PPA2: variants seen among roughly 807,000 people sequenced by gnomAD.
The protein encoded by PPA2 is inorganic pyrophosphatase 2.
In PPA2, 48 loss-of-function variants were observed where a neutral mutation model predicts 49.5. That is an observed-to-expected ratio of 0.97 (90% CI 0.77 to 1.23). The LOEUF (loss-of-function observed/expected upper bound fraction) is 1.23. Among genes scored for constraint, PPA2 ranks in the 50% most tolerant of loss-of-function variants. PPA2 has a pLI of 0.00. For missense variants in PPA2, 429 were observed against 410.1 expected (o/e 1.05, Z -0.40); for synonymous variants, 131 against 139.9 (o/e 0.94, Z 0.45).
chr4:105,377,064 C>T (rs929416770), intron 10 of PPA2, among the ~76,000 whole-genome samples: 1 of 152,136 alleles, frequency 6.6e-6, no homozygotes, highest in Non-Finnish European at 1.5e-5. Flanking sequence ...AACTACTTTT[C>T]CCCTCCACTT....
intron 5 of PPA2, among the ~76,000 whole-genome samples, chr4:105,440,339 G>GC (rs1724292795): frequency 6.6e-6 from 1 of 150,550 alleles, no homozygotes; most frequent in Admixed American, 6.7e-5. Flanking sequence ...TTGGCTCACT[G>GC]CAAGCTCCGC....
chr4:105,373,109 G>A (rs1056112802), intron 10 of PPA2, among the ~76,000 whole-genome samples: 1 of 147,800 alleles, frequency 6.8e-6, no homozygotes, highest in Non-Finnish European at 1.5e-5. Context: ...AAAGTGCTAG[G>A]ATAACAGGCA....
rs563099116 is a variant in PPA2 at position 105,420,641 on chromosome 4, C to G, written c.655+3555G>C. 2.6e-5 allele frequency among the ~76,000 whole-genome samples: 4 copies of G among 152,178 alleles called. No homozygotes were observed. In the South Asian group the frequency reaches 8.3e-4, roughly 32 times the overall value. ...GTCATAAAATATAAAATCACTTATT[C>G]CTTTGTAATAGAAATTTCAATTTAT... On this transcript the variant is annotated intron_variant, in intron 7 of 11. Coordinates refer to ENST00000341695, the MANE Select transcript of PPA2 (RefSeq NM_176869.3).
At chr4:105,389,858 C>T (rs1403401452) in intron 9 of PPA2, among the ~76,000 whole-genome samples, 2 of 152,234 alleles carry the variant, frequency 1.3e-5, no homozygotes, top group Non-Finnish European at 2.9e-5. Flanking sequence ...TAATTTTAGA[C>T]CATAACCTCC....
At chr4:105,392,108 G>C (rs952321068) in intron 9 of PPA2, among the ~76,000 whole-genome samples, 3 of 152,124 alleles carry the variant, frequency 2.0e-5, no homozygotes, top group Non-Finnish European at 4.4e-5. Flanking sequence ...AAGAGAAAGT[G>C]GGAGAGGACT....
chr4:105,427,203 C>T lies in PPA2; in HGVS notation c.529-2881G>A, dbSNP rs190825875. ...CAAAACCCCATCCATAGGTCACCAACATCAAAGACCAAAGGTAGATAAAAC... is the reference window on the plus strand; with the variant it reads ...CAAAACCCCATCCATAGGTCACCAATATCAAAGACCAAAGGTAGATAAAAC... On this transcript the variant is annotated intron_variant, in intron 6 of 11. Coordinates refer to ENST00000341695, the MANE Select transcript of PPA2 (RefSeq NM_176869.3). Among the ~76,000 whole-genome samples the T allele has an allele frequency of 8.0e-3, 1,221 of 152,278 alleles. 5 individuals are homozygous for T. The highest frequency in any genetic ancestry group is 0.027 in the Middle Eastern group (8 of 294).
chr4:105,461,158 A>G (rs572692526), intron 1 of PPA2, among the ~76,000 whole-genome samples: 6 of 66,586 alleles, frequency 9.0e-5, no homozygotes, highest in African/African-American at 1.7e-4. Context: ...AGCTTCATAA[A>G]AATGGCAACT....
intron 9 of PPA2, among the ~76,000 whole-genome samples, chr4:105,394,141 C>T (rs757145341): frequency 5.3e-5 from 8 of 151,804 alleles, no homozygotes; most frequent in South Asian, 2.1e-4. Context: ...CCAAGGTGGG[C>T]GGATCACTTG....
At chr4:105,425,294 T>C (rs1723441139) in intron 6 of PPA2, among the ~76,000 whole-genome samples, 1 of 151,852 alleles carries the variant, frequency 6.6e-6, no homozygotes, top group Non-Finnish European at 1.5e-5. Flanking sequence ...AATTAACAGA[T>C]AGGAACCTCA....
chr4:105,404,915 A>G (rs966784070), intron 7 of PPA2, among the ~76,000 whole-genome samples: 1 of 152,060 alleles, frequency 6.6e-6, no homozygotes, highest in Non-Finnish European at 1.5e-5. Context: ...CCCTGTCTCT[A>G]CTAAAAAAAT....
At chr4:105,405,211 T>G in intron 7 of PPA2, 1 of 739,692 alleles carries the variant, frequency 1.4e-6, no homozygotes, top group Non-Finnish European at 1.7e-6. Context: ...AAAATCAATG[T>G]AGGTAGGCAT....
At chr4:105,426,319 C>T (rs1289963202) in intron 6 of PPA2, among the ~76,000 whole-genome samples, 1 of 152,168 alleles carries the variant, frequency 6.6e-6, no homozygotes, top group Admixed American at 6.5e-5. Context: ...TGGTTCATCT[C>T]ATTGGGACTG....
intron 7 of PPA2, among the ~76,000 whole-genome samples, chr4:105,421,477 GT>G (rs1420142733): frequency 2.0e-5 from 3 of 152,006 alleles, no homozygotes; most frequent in Non-Finnish European, 1.5e-5. Flanking sequence ...AAAATCCTGT[GT>G]TTGTGATTTT....
intron 1 of PPA2, among the ~76,000 whole-genome samples, chr4:105,466,373 C>T (rs533802290): frequency 1.3e-5 from 2 of 151,572 alleles, no homozygotes; most frequent in East Asian, 3.9e-4. Context: ...ATGGAAATCA[C>T]ATTCTAGTTG....
At chr4:105,461,417 G>A (rs1007225716) in intron 1 of PPA2, among the ~76,000 whole-genome samples, 1 of 152,192 alleles carries the variant, frequency 6.6e-6, no homozygotes, top group Non-Finnish European at 1.5e-5. Flanking sequence ...AGGGAACGCT[G>A]GTCAGTTGTT....
Position 105,387,861 on chromosome 4 carries a change from T to A in PPA2, c.870-1225A>T, listed in dbSNP as rs576856798. ...AAAAGGCAGAGCCCTGTAAGTTAGA[T>A]GTTTCCTTGATGACTGTCAAAAATG... On this transcript the variant is annotated intron_variant, in intron 9 of 11. Transcript: ENST00000341695. Among the ~76,000 whole-genome samples, 3 of 152,258 alleles carry A rather than the reference T, an allele frequency of 2.0e-5. No homozygotes were observed. The East Asian group carries it at 5.8e-4, about 29-fold the overall frequency.
chr4:105,408,999 T>C (rs533375530), intron 7 of PPA2, among the ~76,000 whole-genome samples: 8 of 152,062 alleles, frequency 5.3e-5, no homozygotes, highest in African/African-American at 1.7e-4. Flanking sequence ...AAAAGATGGG[T>C]GATATCTGCA....
intron 1 of PPA2, among the ~76,000 whole-genome samples, chr4:105,460,856 C>CATATATATATATATATATAT (rs1491341057): frequency 1.1e-4 from 15 of 139,154 alleles, no homozygotes; most frequent in African/African-American, 1.6e-4. Context: ...GATGTAAGAT[C>CATATATATATATATATATAT]ACATATATAT....
intron 1 of PPA2, among the ~76,000 whole-genome samples, chr4:105,458,488 AAAC>A (rs1026305097): frequency 1.3e-5 from 2 of 152,226 alleles, no homozygotes; most frequent in South Asian, 2.1e-4. Flanking sequence ...GAAGTTTATT[AAAC>A]AACAACAACA....
Sources: allele counts gnomAD v4.1 joint callset (sites outside exome capture counted in the v4.1 genomes callset), GRCh38; gene constraint gnomAD v4.1.1; transcripts MANE v1.5; gene names NCBI Gene and HGNC (gene_info 2026-07-23, HGNC 2026-07-21).